CDH12: variants seen among roughly 807,000 people sequenced by gnomAD.
CDH12 encodes cadherin 12.
A neutral mutation model predicts 74.1 loss-of-function variants in CDH12; 41 were observed. The ratio of observed to expected loss-of-function variants is 0.55; its 90% CI spans 0.43 to 0.72. CDH12 has a LOEUF of 0.72. Ranked by LOEUF, CDH12 falls within the 30% of genes least tolerant of loss-of-function variation. The pLI is 0.00. For missense variants in CDH12, 945 were observed against 977.2 expected, an observed-to-expected ratio of 0.97 and a Z score of 0.44; for synonymous variants, 399 against 355.0, an observed-to-expected ratio of 1.12 and a Z score of -1.39.
At chr5:22,799,762 C>T (rs950054330) in intron 1 of CDH12, among the ~76,000 whole-genome samples, 5 of 152,094 alleles carry the variant, frequency 3.3e-5, no homozygotes, top group African/African-American at 1.2e-4. Context: ...AAGAAATATA[C>T]ACGTATACCT....
intron 6 of CDH12, among the ~76,000 whole-genome samples, chr5:21,878,336 T>C (rs1338678550): frequency 6.6e-6 from 1 of 152,196 alleles, no homozygotes; most frequent in Non-Finnish European, 1.5e-5. Flanking sequence ...TGTAGCTAAA[T>C]GAAAATTAAA....
At chr5:21,764,149 C>T (rs192974541) in intron 12 of CDH12, among the ~76,000 whole-genome samples, 2,185 of 152,004 alleles carry the variant, frequency 0.014, 44 homozygotes, top group African/African-American at 0.048. Flanking sequence ...CCGAGGCAGG[C>T]GGATCACGAG....
chr5:22,435,512 G>GTT, intron 2 of CDH12, among the ~76,000 whole-genome samples: 1 of 123,224 alleles, frequency 8.1e-6, no homozygotes, highest in South Asian at 2.5e-4. Flanking sequence ...GTGTGTGTGT[G>GTT]TGTGTGTGTG....
intron 5 of CDH12, among the ~76,000 whole-genome samples, chr5:22,032,325 A>C (rs147689645): frequency 1.7e-3 from 255 of 152,284 alleles, no homozygotes; most frequent in African/African-American, 6.0e-3. Flanking sequence ...ACTTCCCATT[A>C]TATATTAAGT....
intron 3 of CDH12, among the ~76,000 whole-genome samples, chr5:22,327,396 G>C (rs1280722264): frequency 6.6e-6 from 1 of 151,372 alleles, no homozygotes; most frequent in Admixed American, 6.6e-5. Context: ...CTTACCATGA[G>C]AGCCACTGAC....
intron 1 of CDH12, among the ~76,000 whole-genome samples, chr5:22,651,059 A>C (rs904593535): frequency 6.6e-6 from 1 of 152,130 alleles, no homozygotes; most frequent in East Asian, 1.9e-4. Flanking sequence ...AAGATAACTT[A>C]CTCAAAGTAT....
chr5:22,134,388 T>C (rs760182232), intron 4 of CDH12, among the ~76,000 whole-genome samples: 72 of 152,064 alleles, frequency 4.7e-4, no homozygotes, highest in Non-Finnish European at 9.3e-4. Flanking sequence ...TTCTACTTCT[T>C]AATATAATAT....
intron 3 of CDH12, among the ~76,000 whole-genome samples, chr5:22,278,406 A>T (rs1736731949): frequency 1.3e-5 from 2 of 152,192 alleles, no homozygotes; most frequent in South Asian, 4.1e-4. Flanking sequence ...AAATGAGACA[A>T]CATAGACAGT....
chr5:22,480,701 A>G (rs892048103), intron 2 of CDH12, among the ~76,000 whole-genome samples: 3 of 152,160 alleles, frequency 2.0e-5, no homozygotes, highest in Admixed American at 2.0e-4. Flanking sequence ...TCCTCAAACA[A>G]GTTTCCAAAG....
intron 1 of CDH12, among the ~76,000 whole-genome samples, chr5:22,559,561 C>A (rs1292878144): frequency 6.6e-6 from 1 of 151,902 alleles, no homozygotes; most frequent in Admixed American, 6.6e-5. Context: ...AAAATAAGAA[C>A]CAGCAAGACA....
chr5:22,614,797 C>T (rs1737609026), intron 1 of CDH12, among the ~76,000 whole-genome samples: 1 of 152,010 alleles, frequency 6.6e-6, no homozygotes, highest in Admixed American at 6.6e-5. Context: ...AGCACTGAAC[C>T]CTATACATAT....
chr5:22,286,223 T>C (rs1737128349), intron 3 of CDH12, among the ~76,000 whole-genome samples: 1 of 152,150 alleles, frequency 6.6e-6, no homozygotes, highest in South Asian at 2.1e-4. Context: ...GAATCAAAAA[T>C]ATAATTCTCA....
chr5:22,473,880 T>G (rs1395525533), intron 2 of CDH12, among the ~76,000 whole-genome samples: 1 of 152,112 alleles, frequency 6.6e-6, no homozygotes, highest in East Asian at 1.9e-4. Context: ...CTCAAAAAGT[T>G]GGGTTGAAAT....
intron 1 of CDH12, among the ~76,000 whole-genome samples, chr5:22,667,040 A>G (rs1055914765): frequency 2.0e-5 from 3 of 152,122 alleles, no homozygotes; most frequent in African/African-American, 7.2e-5. Flanking sequence ...TTCCTATATC[A>G]GGATCCTTGC....
chr5:22,751,973 T>C (rs1745601094), intron 1 of CDH12, among the ~76,000 whole-genome samples: 1 of 151,884 alleles, frequency 6.6e-6, no homozygotes, highest in African/African-American at 2.4e-5. Flanking sequence ...TTTTGAAGAG[T>C]GATCAGCTAC....
At chr5:22,587,102 C>G in intron 1 of CDH12, among the ~76,000 whole-genome samples, 1 of 152,042 alleles carries the variant, frequency 6.6e-6, no homozygotes. Context: ...TCCCAAAGTG[C>G]TGGGATTACA....
At chr5:22,791,059 C>G (rs1282335639) in intron 1 of CDH12, among the ~76,000 whole-genome samples, 1 of 152,098 alleles carries the variant, frequency 6.6e-6, no homozygotes, top group East Asian at 1.9e-4. Flanking sequence ...GGCTGTATGT[C>G]TGAATTAATT....
chr5:22,345,164 C>G (rs1453099456), intron 3 of CDH12, among the ~76,000 whole-genome samples: 1 of 152,124 alleles, frequency 6.6e-6, no homozygotes, highest in African/African-American at 2.4e-5. Context: ...GACAATTACT[C>G]TTTTATTAAT....
chr5:21,807,670 T>C (rs1747509177), intron 9 of CDH12, among the ~76,000 whole-genome samples: 1 of 152,054 alleles, frequency 6.6e-6, no homozygotes, highest in Admixed American at 6.6e-5. Flanking sequence ...GTTATAGATA[T>C]TTTGAGGAAT....
Sources: allele counts gnomAD v4.1 joint callset (sites outside exome capture counted in the v4.1 genomes callset), GRCh38; gene constraint gnomAD v4.1.1; transcripts MANE v1.5; gene names NCBI Gene and HGNC (gene_info 2026-07-23, HGNC 2026-07-21).